MAN1A1: variants seen among roughly 807,000 people sequenced by gnomAD.
MAN1A1 encodes mannosyl-oligosaccharide 1,2-alpha-mannosidase IA.
Under a neutral mutation model 70.8 loss-of-function variants are expected in MAN1A1, and 29 were observed. That is an observed-to-expected ratio of 0.41 (90% CI 0.31 to 0.56). The LOEUF (loss-of-function observed/expected upper bound fraction) is 0.56. MAN1A1 is among the 20% of genes least tolerant of loss of function. MAN1A1 has a pLI of 0.29. For synonymous variants in MAN1A1, 349 were observed against 330.1 expected (o/e 1.06, Z -0.62); for missense variants, 747 against 841.3 (o/e 0.89, Z 1.39).
In MAN1A1 at chr6:119,272,820, A is replaced by G. The variant is rs183218693; in HGVS notation, c.897+17863T>C. ...TTGAACTGCTTTGGATAATATAAAG[A>G]CAAAGTAGTTGGATCTGAGACTGTG... On this transcript the variant is annotated intron_variant, in intron 5 of 12. Coordinates refer to ENST00000368468, the MANE Select transcript of MAN1A1 (RefSeq NM_005907.4). Among the ~76,000 whole-genome samples the G allele has an allele frequency of 1.3e-3, 192 of 152,294 alleles. 1 individual carries two copies. The highest frequency in any genetic ancestry group is 4.5e-3 in the African/African-American group (189 of 41,564).
At chr6:119,325,951 C>T (rs1422459119) in intron 2 of MAN1A1, among the ~76,000 whole-genome samples, 1 of 152,172 alleles carries the variant, frequency 6.6e-6, no homozygotes, top group Non-Finnish European at 1.5e-5. Context: ...TACCAGCAAC[C>T]TGAGGCACAA....
chr6:119,289,657 T>A (rs1776479695), intron 5 of MAN1A1, among the ~76,000 whole-genome samples: 1 of 151,926 alleles, frequency 6.6e-6, no homozygotes, highest in African/African-American at 2.4e-5. Flanking sequence ...ACAGAAGTCA[T>A]CTATATACTT....
At chr6:119,236,005 G>A (rs1305292044) in intron 6 of MAN1A1, among the ~76,000 whole-genome samples, 3 of 152,022 alleles carry the variant, frequency 2.0e-5, no homozygotes, top group African/African-American at 7.2e-5. Flanking sequence ...CAGGTGTGGT[G>A]GTGTGCTCCT....
intron 4 of MAN1A1, among the ~76,000 whole-genome samples, chr6:119,293,489 T>A (rs1034409277): frequency 6.6e-6 from 1 of 152,082 alleles, no homozygotes; most frequent in Admixed American, 6.6e-5. Flanking sequence ...AGGATACCAG[T>A]GACTGCTATG....
At chr6:119,337,453 C>T (rs951200920) in intron 2 of MAN1A1, among the ~76,000 whole-genome samples, 6 of 152,116 alleles carry the variant, frequency 3.9e-5, no homozygotes, top group African/African-American at 1.4e-4. Flanking sequence ...CATACTGGGC[C>T]CTATTATGGG....
At chr6:119,273,764 C>G (rs1168669702) in intron 5 of MAN1A1, among the ~76,000 whole-genome samples, 2 of 152,030 alleles carry the variant, frequency 1.3e-5, no homozygotes, top group Non-Finnish European at 2.9e-5. Flanking sequence ...TCTTACCAAA[C>G]TAGGTATTAA....
At chr6:119,222,643 G>A (rs1980460) in intron 6 of MAN1A1, among the ~76,000 whole-genome samples, 130,304 of 152,196 alleles carry the variant, frequency 0.86, 56,095 homozygotes, top group Non-Finnish European at 0.9. Context: ...TCATCTTTAC[G>A]AAACAATGAC....
chr6:119,261,785 C>T (rs1775621722), intron 5 of MAN1A1, among the ~76,000 whole-genome samples: 1 of 152,100 alleles, frequency 6.6e-6, no homozygotes, highest in Non-Finnish European at 1.5e-5. Context: ...ATGTACATTA[C>T]ATGTATATGT....
intron 11 of MAN1A1, among the ~76,000 whole-genome samples, chr6:119,184,550 G>A (rs2114926608): frequency 6.6e-6 from 1 of 152,198 alleles, no homozygotes; most frequent in East Asian, 1.9e-4. Flanking sequence ...AAATCAAAGA[G>A]GGTTTGGAAA....
intron 6 of MAN1A1, among the ~76,000 whole-genome samples, chr6:119,238,160 TCCCCAAAG>T (rs1774907534): frequency 6.6e-6 from 1 of 152,012 alleles, no homozygotes; most frequent in African/African-American, 2.4e-5. Context: ...GCTGACTTTG[TCCCCAAAG>T]GGGACAAAGA....
rs139961915 is a variant in MAN1A1 at position 119,204,848 on chromosome 6, C to T, written c.1027G>A (p.Gly343Ser). Residue 343 changes from glycine to serine, a missense_variant, in exon 7 of 13, where the codon GGC becomes AGC. By Grantham distance (56) the Gly-to-Ser change is moderately conservative. Around this residue, in one of 2 missense-constraint regions of MAN1A1, gnomAD observed 419 missense variants for 548.2 expected, o/e 0.76. Coordinates refer to ENST00000368468, the MANE Select transcript of MAN1A1 (RefSeq NM_005907.4). ...CCAAATTCTGCCAGAATACTGCTGC[C>T]TCCAGAGGCCCAGGGCCAGTTCCTT... is the stretch of plus-strand genomic sequence containing the variant. ...IGRNWPWASG[G>S]SSILAEFGTL... The T allele has an allele frequency of 1.2e-5, 19 of 1,613,952 alleles. 1 individual carries two copies. The highest frequency in any genetic ancestry group is 5.5e-5 in the South Asian group (5 of 91,078).
intron 2 of MAN1A1, among the ~76,000 whole-genome samples, chr6:119,327,730 G>C (rs1773193997): frequency 6.6e-6 from 1 of 152,154 alleles, no homozygotes; most frequent in Non-Finnish European, 1.5e-5. Context: ...GTAAGTATGT[G>C]AGGTAACAGA....
intron 6 of MAN1A1, among the ~76,000 whole-genome samples, chr6:119,205,752 C>T (rs868003584): frequency 6.6e-6 from 1 of 152,324 alleles, no homozygotes. Context: ...GTTCGTTATT[C>T]TCCTAATAAA....
intron 6 of MAN1A1, among the ~76,000 whole-genome samples, chr6:119,206,246 T>C (rs909714): frequency 0.52 from 79,277 of 152,080 alleles, 21,812 homozygotes; most frequent in Non-Finnish European, 0.62. Flanking sequence ...CAGGTCTTAA[T>C]GGCTTGTGGA....
At chr6:119,191,231 A>T (rs1773434663) in intron 9 of MAN1A1, among the ~76,000 whole-genome samples, 1 of 152,194 alleles carries the variant, frequency 6.6e-6, no homozygotes, top group Non-Finnish European at 1.5e-5. Flanking sequence ...TATACTTCTC[A>T]TAACACAAAT....
At chr6:119,223,755 T>C (rs899951578) in intron 6 of MAN1A1, among the ~76,000 whole-genome samples, 1 of 152,112 alleles carries the variant, frequency 6.6e-6, no homozygotes, top group Admixed American at 6.6e-5. Flanking sequence ...TTATTGAGGA[T>C]ATTTTAAAAA....
rs1001473112 is a variant in MAN1A1 at position 119,221,343 on chromosome 6, C to T, written c.993-16461G>A. The stretch of plus-strand genomic sequence containing the variant: ...CCACTGTTACTTGTTTCTTCAATCG[C>T]ATTTTAAAGATAATTTTTGCATATA... On this transcript the variant is annotated intron_variant, in intron 6 of 12. Coordinates refer to ENST00000368468, the MANE Select transcript of MAN1A1 (RefSeq NM_005907.4). 7.0e-4 allele frequency among the ~76,000 whole-genome samples: 106 copies of T among 152,178 alleles called. 1 individual carries two copies. The highest frequency in any genetic ancestry group is 2.5e-3 in the African/African-American group (104 of 41,528).
intron 5 of MAN1A1, among the ~76,000 whole-genome samples, chr6:119,273,692 C>T (rs1036234693): frequency 4.0e-5 from 6 of 151,870 alleles, no homozygotes; most frequent in African/African-American, 1.5e-4. Flanking sequence ...TTTTCTTTTC[C>T]AGAACACTTT....
chr6:119,201,205 C>A (rs755003592), intron 8 of MAN1A1, 49 bp downstream of exon 8: 2 of 1,369,548 alleles, frequency 1.5e-6, no homozygotes, highest in Non-Finnish European at 1.0e-6. Context: ...TCTCTCTCCA[C>A]GAGTACAGTA....
Sources: gnomAD v4.1 joint callset for allele counts (sites outside exome capture counted in the v4.1 genomes callset) on GRCh38, gnomAD v4.1.1 for gene constraint, gnomAD v4.1.1 regional missense constraint, MANE v1.5 for transcripts, NCBI Gene and HGNC (gene_info 2026-07-23, HGNC 2026-07-21) for gene names.